The following TBL1Y variants were observed in gnomAD, a reference collection of about 807,000 sequenced individuals.
TBL1Y encodes the protein F-box-like/WD repeat-containing protein TBL1Y.
A neutral mutation model predicts 12.0 loss-of-function variants in TBL1Y; 15 were observed. That is an observed-to-expected ratio of 1.25 (90% CI 0.83 to 1.92). The LOEUF (loss-of-function observed/expected upper bound fraction) is 1.92. Among genes scored for constraint, TBL1Y ranks in the 40% most tolerant of loss-of-function variants. The pLI is 0.00. For missense variants in TBL1Y, 148 were observed against 116.7 expected, an observed-to-expected ratio of 1.27 and a Z score of -1.24; for synonymous variants, 53 against 42.6, an observed-to-expected ratio of 1.24 and a Z score of -0.95.
At chrY:6,986,215 C>T (rs371754067) in intron 3 of TBL1Y, among the ~76,000 whole-genome samples, 833 of 32,391 alleles carry the variant, frequency 0.026, no homozygotes, top group Middle Eastern at 0.097. Context: ...AGAGCTCCAC[C>T]CCAACCCCCC....
chrY:7,011,743 A>C (rs2012520387), intron 4 of TBL1Y, among the ~76,000 whole-genome samples: 1 of 33,925 alleles, frequency 2.9e-5, no homozygotes, highest in Non-Finnish European at 7.3e-5. Flanking sequence ...ATCTATTCTA[A>C]TTTAGTAATG....
chrY:6,989,106 GCTACT>G (rs2012343657), intron 3 of TBL1Y, among the ~76,000 whole-genome samples: 1 of 32,856 alleles, frequency 3.0e-5, no homozygotes, highest in Non-Finnish European at 7.5e-5. Flanking sequence ...TGTAGTCCCA[GCTACT>G]CGGGAGGCTG....
chrY:7,044,711 T>C, intron 7 of TBL1Y, among the ~76,000 whole-genome samples: 2 of 32,717 alleles, frequency 6.1e-5, no homozygotes, highest in African/African-American at 2.4e-4. Flanking sequence ...AGTGGCACAA[T>C]CATAACTCAC....
At chrY:7,022,250 GT>G (rs776834613) in intron 5 of TBL1Y, among the ~76,000 whole-genome samples, 2 of 27,784 alleles carry the variant, frequency 7.2e-5, no homozygotes, top group Non-Finnish European at 1.7e-4. Flanking sequence ...GGCATTTTTA[GT>G]TTTTTTTTTT....
At chrY:6,972,506 A>G (rs2012214363) in intron 2 of TBL1Y, among the ~76,000 whole-genome samples, 1 of 33,629 alleles carries the variant, frequency 3.0e-5, no homozygotes, top group Non-Finnish European at 7.4e-5. Context: ...CAGGGCCATG[A>G]TGAAGACTGT....
chrY:6,964,060 A>G, intron 2 of TBL1Y, among the ~76,000 whole-genome samples: 1 of 33,932 alleles, frequency 2.9e-5, no homozygotes, highest in South Asian at 6.7e-4. Flanking sequence ...TTTGACCACA[A>G]TTATAACATT....
chrY:7,000,445 G>T (rs757686764), intron 4 of TBL1Y, among the ~76,000 whole-genome samples: 2 of 33,624 alleles, frequency 5.9e-5, no homozygotes, highest in South Asian at 1.3e-3. Context: ...GCATCTGTAG[G>T]CATAGATTCC....
chrY:6,999,971 G>C, intron 4 of TBL1Y, among the ~76,000 whole-genome samples: 11 of 31,561 alleles, frequency 3.5e-4, no homozygotes, highest in Admixed American at 3.3e-3. Flanking sequence ...TTCCTTTCAG[G>C]GCTCAAGATT....
At chrY:7,001,596 G>A in intron 4 of TBL1Y, among the ~76,000 whole-genome samples, 2 of 31,341 alleles carry the variant, frequency 6.4e-5, no homozygotes, top group Non-Finnish European at 1.5e-4. Context: ...TCCTGCCTGG[G>A]CAACACAGCG....
At chrY:6,979,217 C>T in intron 3 of TBL1Y, among the ~76,000 whole-genome samples, 1 of 33,614 alleles carries the variant, frequency 3.0e-5, no homozygotes, top group African/African-American at 1.2e-4. Flanking sequence ...CAGGTGTGAG[C>T]CACCGTGCCC....
chrY:7,066,423 A>C (rs73614805), intron 8 of TBL1Y, among the ~76,000 whole-genome samples: 321 of 33,593 alleles, frequency 9.6e-3, no homozygotes, highest in African/African-American at 0.036. Context: ...GCTGGAGTGC[A>C]GTGGTGTGAT....
intron 13 of TBL1Y, 102 bp downstream of exon 13, chrY:7,074,722 G>A: frequency 1.3e-5 from 3 of 231,578 alleles, no homozygotes; most frequent in Non-Finnish European, 2.1e-5. Context: ...AGGCTGAGAC[G>A]TGAGGCCCAC....
chrY:6,916,568 T>C (rs745828849), intron 2 of TBL1Y, among the ~76,000 whole-genome samples: 2 of 29,757 alleles, frequency 6.7e-5, no homozygotes, highest in Admixed American at 6.4e-4. Flanking sequence ...ACTAAAAATA[T>C]GAACATTAGC....
intron 7 of TBL1Y, among the ~76,000 whole-genome samples, chrY:7,043,691 C>G: frequency 6.0e-5 from 2 of 33,326 alleles, no homozygotes; most frequent in Non-Finnish European, 1.5e-4. Flanking sequence ...TTTATTTAAA[C>G]GTGGAATCAC....
intron 4 of TBL1Y, among the ~76,000 whole-genome samples, chrY:7,016,989 C>T: frequency 5.9e-5 from 2 of 33,924 alleles, no homozygotes; most frequent in Admixed American, 2.7e-4. Context: ...AAACACAGTG[C>T]GGTCCAGCCA....
intron 7 of TBL1Y, among the ~76,000 whole-genome samples, chrY:7,061,091 CTTTTTTTTT>C (rs764930107): frequency 1.6e-4 from 1 of 6,203 alleles, no homozygotes; most frequent in Non-Finnish European, 3.4e-4. Flanking sequence ...TACATTTTTG[CTTTTTTTTT>C]TTTTTTTTTT....
chrY:6,935,823 G>A, intron 2 of TBL1Y, among the ~76,000 whole-genome samples: 2 of 33,355 alleles, frequency 6.0e-5, no homozygotes, highest in Admixed American at 2.8e-4. Context: ...TTGAGCCCAG[G>A]AGGTTGAGAC....
intron 8 of TBL1Y, among the ~76,000 whole-genome samples, chrY:7,067,750 G>A (rs2012997030): frequency 3.0e-5 from 1 of 32,871 alleles, no homozygotes; most frequent in Non-Finnish European, 7.5e-5. Flanking sequence ...TGTGATTCAT[G>A]AGCCTCTATA....
intron 6 of TBL1Y, among the ~76,000 whole-genome samples, chrY:7,033,493 A>G (rs752431498): frequency 5.9e-5 from 2 of 33,693 alleles, no homozygotes; most frequent in East Asian, 1.6e-3. Context: ...TGAGACCAGC[A>G]TCATCCTGAT....
Sources: allele counts gnomAD v4.1 joint callset (sites outside exome capture counted in the v4.1 genomes callset), GRCh38; gene constraint gnomAD v4.1.1; transcripts MANE v1.5; gene names NCBI Gene and HGNC (gene_info 2026-07-23, HGNC 2026-07-21).